Variants in GSK3B observed in about 807,000 individuals in gnomAD.
The protein encoded by GSK3B is glycogen synthase kinase 3 beta.
GSK3B carries 15 observed loss-of-function variants against 56.4 expected under a neutral mutation model. That is an observed-to-expected ratio of 0.27 (90% CI 0.18 to 0.41). GSK3B has a LOEUF of 0.41. GSK3B is among the 10% of genes least tolerant of loss of function. The pLI is 1.00. For synonymous variants in GSK3B, 181 were observed against 188.9 expected, an observed-to-expected ratio of 0.96 and a Z score of 0.34; for missense variants, 300 against 513.4, an observed-to-expected ratio of 0.58 and a Z score of 4.02.
At chr3:119,874,234 G>A (rs2056281056) in intron 8 of GSK3B, among the ~76,000 whole-genome samples, 1 of 151,950 alleles carries the variant, frequency 6.6e-6, no homozygotes, top group Non-Finnish European at 1.5e-5. Flanking sequence ...TATCTACAGG[G>A]GATATGTCCC....
intron 1 of GSK3B, among the ~76,000 whole-genome samples, chr3:120,076,902 T>A (rs934571225): frequency 6.7e-6 from 1 of 149,590 alleles, no homozygotes; most frequent in Non-Finnish European, 1.5e-5. Flanking sequence ...AACAGGTATA[T>A]GAAAAGGTGC....
chr3:120,059,802 A>G (rs975473634), intron 1 of GSK3B, among the ~76,000 whole-genome samples: 2 of 152,208 alleles, frequency 1.3e-5, no homozygotes, highest in Non-Finnish European at 2.9e-5. Context: ...TGAAATTCCA[A>G]CCTGCCTATA....
chr3:119,935,646 C>G (rs547303039), intron 3 of GSK3B, among the ~76,000 whole-genome samples: 115 of 152,186 alleles, frequency 7.6e-4, no homozygotes, highest in Non-Finnish European at 1.5e-3. Flanking sequence ...CAGTTCTACA[C>G]TGTTTATCTA....
intron 9 of GSK3B, among the ~76,000 whole-genome samples, chr3:119,849,749 C>T (rs1033496092): frequency 6.6e-6 from 1 of 152,144 alleles, no homozygotes; most frequent in South Asian, 2.1e-4. Context: ...ATGCTTAAGT[C>T]CCTTGCATAA....
intron 1 of GSK3B, among the ~76,000 whole-genome samples, chr3:120,083,329 T>A (rs1345042977): frequency 6.6e-6 from 1 of 152,070 alleles, no homozygotes; most frequent in Non-Finnish European, 1.5e-5. Flanking sequence ...GGATGACAGC[T>A]GTACAACGGG....
chr3:119,861,459 C>T (rs1394397518), intron 9 of GSK3B, among the ~76,000 whole-genome samples: 3 of 149,684 alleles, frequency 2.0e-5, no homozygotes, highest in Non-Finnish European at 3.0e-5. Context: ...TGCAGCGAGC[C>T]GGTATCATGC....
intron 2 of GSK3B, among the ~76,000 whole-genome samples, chr3:119,960,124 T>C (rs2057256964): frequency 7.2e-6 from 1 of 138,692 alleles, no homozygotes; most frequent in South Asian, 2.2e-4. Flanking sequence ...AACAACATGG[T>C]TGCATCCCCA....
intron 1 of GSK3B, among the ~76,000 whole-genome samples, chr3:120,036,636 T>C (rs1313645629): frequency 6.6e-6 from 1 of 151,594 alleles, no homozygotes. Flanking sequence ...CTACTAAAAA[T>C]ACAAAAATTA....
chr3:119,919,879 C>T (rs994861544), intron 4 of GSK3B, among the ~76,000 whole-genome samples: 5 of 151,626 alleles, frequency 3.3e-5, no homozygotes, highest in African/African-American at 7.3e-5. Context: ...AAAATATGGA[C>T]TGATCTCTAG....
At chr3:119,920,684 G>C (rs2056831546) in intron 4 of GSK3B, among the ~76,000 whole-genome samples, 2 of 152,096 alleles carry the variant, frequency 1.3e-5, no homozygotes, top group South Asian at 4.1e-4. Context: ...TGGTTATGTA[G>C]GGTGCTGGGT....
At chr3:120,085,198 T>C (rs1559907180) in intron 1 of GSK3B, among the ~76,000 whole-genome samples, 1 of 152,222 alleles carries the variant, frequency 6.6e-6, no homozygotes, top group Non-Finnish European at 1.5e-5. Context: ...CCGCACTCAA[T>C]AATTACTGCC....
At chr3:120,067,236 CAA>C (rs58967403) in intron 1 of GSK3B, among the ~76,000 whole-genome samples, 195 of 122,786 alleles carry the variant, frequency 1.6e-3, no homozygotes, top group Middle Eastern at 4.5e-3. Context: ...ACTGTAACAT[CAA>C]AAAAAAAAAA....
chr3:119,834,255 T>C (rs1334431062), intron 10 of GSK3B, among the ~76,000 whole-genome samples: 1 of 152,232 alleles, frequency 6.6e-6, no homozygotes, highest in Non-Finnish European at 1.5e-5. Context: ...ATGTCTTAGA[T>C]ATTAATGTTA....
intron 1 of GSK3B, among the ~76,000 whole-genome samples, chr3:120,090,829 G>A (rs1011577106): frequency 1.3e-5 from 2 of 152,044 alleles, no homozygotes; most frequent in African/African-American, 4.8e-5. Flanking sequence ...GAACCCCTCT[G>A]CCCTCCATCA....
intron 10 of GSK3B, among the ~76,000 whole-genome samples, chr3:119,830,567 T>C (rs2055583000): frequency 6.6e-6 from 1 of 152,222 alleles, no homozygotes; most frequent in Non-Finnish European, 1.5e-5. Flanking sequence ...ACTGGTAAAG[T>C]GACGCTAAAT....
At chr3:119,881,478 TTTTGA>T (rs1349682054) in intron 7 of GSK3B, among the ~76,000 whole-genome samples, 1 of 152,204 alleles carries the variant, frequency 6.6e-6, no homozygotes, top group East Asian at 1.9e-4. Flanking sequence ...TACTTTTTCA[TTTTGA>T]TATATTTCGA....
chr3:119,931,280 T>C (rs2056942774), intron 3 of GSK3B, among the ~76,000 whole-genome samples: 1 of 152,204 alleles, frequency 6.6e-6, no homozygotes, highest in African/African-American at 2.4e-5. Flanking sequence ...CTCCTTTGGA[T>C]TCTCAGACAC....
chr3:120,030,484 C>G (rs779677702), intron 1 of GSK3B, among the ~76,000 whole-genome samples: 8 of 152,156 alleles, frequency 5.3e-5, no homozygotes, highest in Admixed American at 1.3e-4. Context: ...TTTACAAAAC[C>G]CTGTAAGATC....
intron 1 of GSK3B, among the ~76,000 whole-genome samples, chr3:120,042,609 T>C (rs185731197): frequency 1.1e-3 from 174 of 152,316 alleles, no homozygotes; most frequent in African/African-American, 4.1e-3. Flanking sequence ...CTGGGTCAAA[T>C]GCAACAGCCA....
Sources: gnomAD v4.1 joint callset for allele counts (sites outside exome capture counted in the v4.1 genomes callset) on GRCh38, gnomAD v4.1.1 for gene constraint, MANE v1.5 for transcripts, NCBI Gene and HGNC (gene_info 2026-07-23, HGNC 2026-07-21) for gene names.